The following ZFHX3 variants were observed in gnomAD, a reference collection of about 807,000 sequenced individuals.
The protein encoded by ZFHX3 is zinc finger homeobox protein 3.
A neutral mutation model predicts 279.1 loss-of-function variants in ZFHX3; 42 were observed. That is an observed-to-expected ratio of 0.15 (90% CI 0.12 to 0.19). The LOEUF (loss-of-function observed/expected upper bound fraction) is 0.19. Among genes scored for constraint, ZFHX3 ranks in the 10% least tolerant of loss-of-function variants. The pLI, the probability that ZFHX3 is intolerant of heterozygous loss-of-function variation, is 1.00. For synonymous variants in ZFHX3, 2,293 were observed against 1,957.8 expected (o/e 1.17, Z -4.52); for missense variants, 4,981 against 4,754.0 (o/e 1.05, Z -1.40).
intron 2 of ZFHX3, among the ~76,000 whole-genome samples, chr16:73,647,386 C>CG (rs897109892): frequency 6.6e-6 from 1 of 152,102 alleles, no homozygotes; most frequent in Non-Finnish European, 1.5e-5. Context: ...GGCTGGATCA[C>CG]GGGGGCAGAT....
chr16:73,114,293 A>G (rs1966409109), intron 7 of ZFHX3, among the ~76,000 whole-genome samples: 1 of 147,458 alleles, frequency 6.8e-6, no homozygotes, highest in Non-Finnish European at 1.5e-5. Context: ...TGATGGTCTC[A>G]CACTATGGTT....
chr16:73,325,774 A>G (rs1204649390), intron 3 of ZFHX3, among the ~76,000 whole-genome samples: 1 of 152,094 alleles, frequency 6.6e-6, no homozygotes, highest in African/African-American at 2.4e-5. Context: ...ATATCAAAGC[A>G]ATATCAAATG....
At chr16:73,565,459 AGGT>A (rs2020437568) in intron 2 of ZFHX3, among the ~76,000 whole-genome samples, 1 of 152,188 alleles carries the variant, frequency 6.6e-6, no homozygotes, top group Non-Finnish European at 1.5e-5. Flanking sequence ...CTTGGACACA[AGGT>A]GGTGCTAAGG....
intron 3 of ZFHX3, among the ~76,000 whole-genome samples, chr16:72,894,848 C>T (rs1567569984): frequency 6.6e-6 from 1 of 152,228 alleles, no homozygotes; most frequent in Non-Finnish European, 1.5e-5. Flanking sequence ...CCCCTTCCGC[C>T]TCTATCACAG....
At chr16:73,258,096 AT>A (rs1040063584) in intron 4 of ZFHX3, among the ~76,000 whole-genome samples, 4 of 152,256 alleles carry the variant, frequency 2.6e-5, no homozygotes, top group African/African-American at 9.6e-5. Context: ...AGTAACTACT[AT>A]TTTTTAAGCA....
At chr16:73,773,029 A>G (rs1287443099) in intron 1 of ZFHX3, among the ~76,000 whole-genome samples, 2 of 152,204 alleles carry the variant, frequency 1.3e-5, no homozygotes, top group Non-Finnish European at 2.9e-5. Context: ...TTGGGTCCTT[A>G]GACCCAGGCT....
At chr16:72,972,564 G>A (rs1364784357) in intron 1 of ZFHX3, among the ~76,000 whole-genome samples, 1 of 152,186 alleles carries the variant, frequency 6.6e-6, no homozygotes, top group East Asian at 1.9e-4. Context: ...ACATATGGAT[G>A]TCAAGCCCCA....
chr16:73,152,105 C>A (rs990245374), intron 5 of ZFHX3, among the ~76,000 whole-genome samples: 1 of 152,096 alleles, frequency 6.6e-6, no homozygotes, highest in Non-Finnish European at 1.5e-5. Context: ...TCCCAGGCAC[C>A]AAATAACTGC....
intron 2 of ZFHX3, among the ~76,000 whole-genome samples, chr16:73,478,304 A>AGGT (rs2018800549): frequency 2.0e-5 from 3 of 149,098 alleles, no homozygotes; most frequent in East Asian, 2.0e-4. Context: ...TAGGTACTAA[A>AGGT]AGCCATATGA....
chr16:72,956,373 C>T (rs141106984), intron 2 of ZFHX3, among the ~76,000 whole-genome samples: 3 of 152,292 alleles, frequency 2.0e-5, no homozygotes, highest in East Asian at 1.9e-4. Context: ...AGCAGCGTCA[C>T]GGGATGGGAC....
chr16:72,861,148 G>A (rs944333564), intron 4 of ZFHX3, among the ~76,000 whole-genome samples: 2 of 152,186 alleles, frequency 1.3e-5, no homozygotes, highest in African/African-American at 4.8e-5. Context: ...TCACCCTTCT[G>A]GAAGTGCTTG....
chr16:72,987,779 A>G (rs2144559861), intron 1 of ZFHX3, among the ~76,000 whole-genome samples: 1 of 152,318 alleles, frequency 6.6e-6, no homozygotes, highest in South Asian at 2.1e-4. Context: ...ACCTGCTCTT[A>G]GAGGAACTAT....
chr16:73,476,766 T>C (rs2018773140), intron 2 of ZFHX3, among the ~76,000 whole-genome samples: 1 of 152,212 alleles, frequency 6.6e-6, no homozygotes, highest in Non-Finnish European at 1.5e-5. Context: ...AGTAACTTCA[T>C]TTTCAATGTT....
intron 1 of ZFHX3, among the ~76,000 whole-genome samples, chr16:73,719,396 G>C (rs546854797): frequency 6.6e-6 from 1 of 152,302 alleles, no homozygotes; most frequent in East Asian, 1.9e-4. Flanking sequence ...TGGTTACACT[G>C]AATTTGGCTT....
intron 2 of ZFHX3, among the ~76,000 whole-genome samples, chr16:73,571,070 T>A (rs1441979801): frequency 9.7e-6 from 1 of 102,670 alleles, no homozygotes. Context: ...AGAATAATTT[T>A]CTCTAATCTA....
intron 4 of ZFHX3, among the ~76,000 whole-genome samples, chr16:73,301,515 T>G (rs2015055354): frequency 6.6e-6 from 1 of 152,132 alleles, no homozygotes; most frequent in African/African-American, 2.4e-5. Flanking sequence ...CCATCAGTCG[T>G]GCCAATCAAA....
chr16:72,864,777 T>A (rs2037972026), intron 4 of ZFHX3, among the ~76,000 whole-genome samples: 1 of 152,146 alleles, frequency 6.6e-6, no homozygotes, highest in South Asian at 2.1e-4. Context: ...CAACCAAGAA[T>A]GAAAGCCATC....
At chr16:73,177,549 G>C (rs1356869861) in intron 5 of ZFHX3, among the ~76,000 whole-genome samples, 1 of 152,222 alleles carries the variant, frequency 6.6e-6, no homozygotes, top group Non-Finnish European at 1.5e-5. Context: ...GGGAAGAACA[G>C]ATTCACAGAT....
At chr16:72,934,153 T>G (rs1471934406) in intron 3 of ZFHX3, among the ~76,000 whole-genome samples, 1 of 152,060 alleles carries the variant, frequency 6.6e-6, no homozygotes, top group African/African-American at 2.4e-5. Flanking sequence ...AGGCTAGGCG[T>G]GATGGCTCAG....
Sources: allele counts gnomAD v4.1 joint callset (sites outside exome capture counted in the v4.1 genomes callset), GRCh38; gene constraint gnomAD v4.1.1; transcripts MANE v1.5; gene names NCBI Gene and HGNC (gene_info 2026-07-23, HGNC 2026-07-21).